Variants in MPRIP observed in about 807,000 individuals in gnomAD.
MPRIP encodes myosin phosphatase Rho-interacting protein.
A neutral mutation model predicts 234.9 loss-of-function variants in MPRIP; 59 were observed. The ratio of observed to expected loss-of-function variants is 0.25; its 90% CI spans 0.20 to 0.31. The LOEUF (loss-of-function observed/expected upper bound fraction) is 0.31. MPRIP is among the 10% of genes least tolerant of loss of function. The pLI is 1.00. For synonymous variants in MPRIP, 1,144 were observed against 1,263.9 expected (o/e 0.91, Z 2.01); for missense variants, 2,436 against 3,071.0 (o/e 0.79, Z 4.89).
chr17:17,175,519 G>A (rs1597514074), intron 20 of MPRIP, 107 bp downstream of exon 20: 1 of 1,351,614 alleles, frequency 7.4e-7, no homozygotes, highest in Non-Finnish European at 9.9e-7. Context: ...ACAGACCTGA[G>A]ACAGCAGGAG....
chr17:17,175,869 C>T (rs1242384650), intron 20 of MPRIP, among the ~76,000 whole-genome samples: 1 of 152,252 alleles, frequency 6.6e-6, no homozygotes, highest in African/African-American at 2.4e-5. Flanking sequence ...AATTTCAGCA[C>T]TCAGCCAGCC....
intron 3 of MPRIP, among the ~76,000 whole-genome samples, chr17:17,102,423 G>A (rs553065194): frequency 2.3e-4 from 35 of 152,358 alleles, no homozygotes; most frequent in Admixed American, 1.7e-3. Flanking sequence ...GCCTCCAAAG[G>A]GCTGGTGCAG....
chr17:17,066,001 A>G (rs2089013391), intron 1 of MPRIP, among the ~76,000 whole-genome samples: 1 of 152,216 alleles, frequency 6.6e-6, no homozygotes, highest in African/African-American at 2.4e-5. Context: ...CTGATCCTGT[A>G]TCCTGAAACT....
At chr17:17,156,603 G>C (rs140220956) in intron 13 of MPRIP, among the ~76,000 whole-genome samples, 2 of 152,180 alleles carry the variant, frequency 1.3e-5, no homozygotes, top group South Asian at 2.1e-4. Context: ...GGTGCTTCCC[G>C]CCTTTGGCAC....
chr17:17,127,272 C>A (rs769333283), intron 4 of MPRIP, among the ~76,000 whole-genome samples: 7 of 152,236 alleles, frequency 4.6e-5, no homozygotes. Flanking sequence ...TCTGCTGTGT[C>A]CACGTGTGTC....
chr17:17,109,327 C>T (rs890118635), intron 3 of MPRIP, among the ~76,000 whole-genome samples: 1 of 152,176 alleles, frequency 6.6e-6, no homozygotes, highest in South Asian at 2.1e-4. Flanking sequence ...CCAGAGGAGC[C>T]ATACATAGGC....
rs2045962988 is a variant in MPRIP at position 17,165,419 on chromosome 17, A to G, written c.3828A>G (p.Glu1276=). The G allele has an allele frequency of 3.1e-6, 4 of 1,304,184 alleles. No homozygotes were observed. The highest frequency in any genetic ancestry group is 2.3e-5 in the Admixed American group (1 of 43,570). 80.8% of individuals were successfully genotyped at this position (1,304,184 alleles called of 1,614,324 possible). The change falls in exon 16 of 24, where the codon GAA becomes GAG. Residue 1276 remains glutamate (E), a synonymous_variant. Transcript: ENST00000651222. ...EDEDLGAPPG[E]EYGDGSPSRE... is the part of the protein sequence containing the mutation. Reference sequence around the variant, plus strand: ...AGGACCTGGGGGCTCCTCCGGGGGAAGAGTACGGTGATGGCAGCCCCAGTA... The same window carrying G: ...AGGACCTGGGGGCTCCTCCGGGGGAGGAGTACGGTGATGGCAGCCCCAGTA...
chr17:17,069,065 C>T (rs535425227), intron 1 of MPRIP, among the ~76,000 whole-genome samples: 1 of 152,098 alleles, frequency 6.6e-6, no homozygotes, highest in Admixed American at 6.5e-5. Flanking sequence ...TTTATTTTTC[C>T]TTTTAGTTCT....
At chr17:17,084,151 G>A (rs1284886420) in intron 3 of MPRIP, among the ~76,000 whole-genome samples, 2 of 152,132 alleles carry the variant, frequency 1.3e-5, no homozygotes, top group African/African-American at 4.8e-5. Context: ...CTGATTCTTT[G>A]GGAACCATAG....
At chr17:17,175,196 T>TA in intron 19 of MPRIP, 97 bp from the exon 20 acceptor site, 1 of 1,567,702 alleles carries the variant, frequency 6.4e-7, no homozygotes, top group Non-Finnish European at 8.8e-7. Flanking sequence ...GTTCCACAGA[T>TA]ACACAAAGAA....
intron 3 of MPRIP, among the ~76,000 whole-genome samples, chr17:17,079,212 T>C (rs1286499132): frequency 6.6e-6 from 1 of 152,194 alleles, no homozygotes; most frequent in Non-Finnish European, 1.5e-5. Context: ...ATTAAGAGGA[T>C]GGTACCATAA....
chr17:17,165,602 G>A lies in MPRIP; in HGVS notation c.4011G>A (p.Gly1337=). 7.7e-7 allele frequency: 1 copy of A among 1,304,866 alleles called. No homozygotes were observed. Among genetic ancestry groups the A allele is most frequent in the Non-Finnish European group, 1.0e-6 (1 of 989,062 alleles). The allele number at this position is 1,304,866 out of a possible 1,614,324, so 80.8% of individuals were successfully genotyped here. A position where few individuals can be genotyped will look rare whatever the true frequency, so the allele number is the denominator to read the frequency against. ...IQCQRYIHPE[G]SEKTWTSSTS... ...GCCAAAGATACATTCACCCCGAAGG[G>A]TCTGAGAAGACCTGGACCAGCAGCA... Residue 1337 remains glycine (G), a synonymous_variant, in exon 16 of 24, where the codon GGG becomes GGA. Transcript: ENST00000651222.
At chr17:17,055,285 G>A (rs575049703) in intron 1 of MPRIP, among the ~76,000 whole-genome samples, 7 of 152,256 alleles carry the variant, frequency 4.6e-5, no homozygotes, top group East Asian at 1.9e-4. Context: ...TATCCCACTC[G>A]TATCCATGGA....
chr17:17,171,894 G>T, intron 17 of MPRIP, 29 bp downstream of exon 17: 1 of 1,591,930 alleles, frequency 6.3e-7, no homozygotes. Context: ...CCTGAGGGCA[G>T]GGTGGGTGGC....
At chr17:17,173,812 G>A (rs2046196467) in intron 18 of MPRIP, 104 bp from the exon 19 acceptor site, 1 of 1,329,608 alleles carries the variant, frequency 7.5e-7, no homozygotes, top group Non-Finnish European at 1.1e-6. Flanking sequence ...AGACTGTGTG[G>A]GCCTGACCTG....
chr17:17,093,073 G>C (rs1183625868), intron 3 of MPRIP, among the ~76,000 whole-genome samples: 1 of 152,172 alleles, frequency 6.6e-6, no homozygotes, highest in Non-Finnish European at 1.5e-5. Context: ...TTTGAATTTT[G>C]GATAAACGGG....
chr17:17,055,973 A>C (rs2088683312), intron 1 of MPRIP, among the ~76,000 whole-genome samples: 1 of 152,232 alleles, frequency 6.6e-6, no homozygotes, highest in South Asian at 2.1e-4. Context: ...TGCCTAGAGC[A>C]GCTCCTCTGG....
chr17:17,155,781 T>G (rs1258330461), intron 13 of MPRIP, among the ~76,000 whole-genome samples: 2 of 152,232 alleles, frequency 1.3e-5, no homozygotes, highest in Admixed American at 6.5e-5. Flanking sequence ...TGTTGTCTAG[T>G]GACAAGTCCT....
chr17:17,076,028 G>T, intron 2 of MPRIP: 1 of 478,700 alleles, frequency 2.1e-6, no homozygotes, highest in Non-Finnish European at 3.7e-6. Flanking sequence ...CCTGTTTTGT[G>T]GGTCAGGTTG....
Sources: gnomAD v4.1 joint callset for allele counts (sites outside exome capture counted in the v4.1 genomes callset) on GRCh38, gnomAD v4.1.1 for gene constraint, MANE v1.5 for transcripts, NCBI Gene and HGNC (gene_info 2026-07-23, HGNC 2026-07-21) for gene names.